Variants in CHCHD3 observed in about 807,000 individuals in gnomAD.
CHCHD3 encodes the protein coiled-coil-helix-coiled-coil-helix domain containing 3.
A neutral mutation model predicts 38.2 loss-of-function variants in CHCHD3; 20 were observed. The observed-to-expected ratio is 0.52, with a 90% confidence interval of 0.37 to 0.76. The LOEUF is 0.76. Among genes scored for constraint, CHCHD3 ranks in the 30% least tolerant of loss-of-function variants. The pLI is 0.00. For synonymous variants in CHCHD3, 82 were observed against 100.0 expected, an observed-to-expected ratio of 0.82 and a Z score of 1.07; for missense variants, 245 against 279.2, an observed-to-expected ratio of 0.88 and a Z score of 0.87.
At chr7:132,972,823 A>C in intron 4 of CHCHD3, 1 of 985,434 alleles carries the variant, frequency 1.0e-6, no homozygotes, top group Non-Finnish European at 1.2e-6. Context: ...TGTCATCTAT[A>C]CCACACAACC....
chr7:133,055,435 T>C (rs1814293119), intron 2 of CHCHD3, among the ~76,000 whole-genome samples: 2 of 145,208 alleles, frequency 1.4e-5, no homozygotes, highest in Non-Finnish European at 3.0e-5. Flanking sequence ...ATTATATTTG[T>C]TATGTATTTA....
At chr7:132,991,559 C>T (rs1812285327) in intron 3 of CHCHD3, among the ~76,000 whole-genome samples, 2 of 152,172 alleles carry the variant, frequency 1.3e-5, no homozygotes, top group South Asian at 4.2e-4. Flanking sequence ...TTACCATACC[C>T]TCCCCCAACT....
intron 3 of CHCHD3, among the ~76,000 whole-genome samples, chr7:132,985,810 C>A (rs1812101987): frequency 9.4e-6 from 1 of 106,140 alleles, no homozygotes; most frequent in Non-Finnish European, 2.0e-5. Context: ...CGGCCAGCCG[C>A]CCCGTCCGGG....
intron 3 of CHCHD3, among the ~76,000 whole-genome samples, chr7:132,994,883 GACA>G (rs1812375671): frequency 6.6e-6 from 1 of 152,084 alleles, no homozygotes; most frequent in Admixed American, 6.5e-5. Flanking sequence ...GAGACCAACA[GACA>G]ACATCAGCAC....
At chr7:132,890,712 A>G (rs1809339529) in intron 4 of CHCHD3, among the ~76,000 whole-genome samples, 1 of 152,190 alleles carries the variant, frequency 6.6e-6, no homozygotes, top group African/African-American at 2.4e-5. Context: ...AAGACTATGA[A>G]GCCAGAGATT....
chr7:132,820,319 T>C (rs1285932751), intron 6 of CHCHD3, among the ~76,000 whole-genome samples: 4 of 152,148 alleles, frequency 2.6e-5, no homozygotes, highest in Non-Finnish European at 5.9e-5. Context: ...TGAGCAAAGG[T>C]TGTAAGTAAG....
rs867581948 is a variant in CHCHD3, at chr7:132,870,872, C to T, written c.453+14790G>A. Among the ~76,000 whole-genome samples, 30 of 152,098 alleles carry T rather than the reference C, an allele frequency of 2.0e-4. 1 individual carries two copies. The highest frequency in any genetic ancestry group is 6.7e-4 in the African/African-American group (28 of 41,490). On this transcript the variant is annotated intron_variant, in intron 5 of 7. Transcript: ENST00000262570. ...TTTTCAAGCCTCTAGGTTTCTGTTT[C>T]ATTGCTTGAAAAAAGTGTAATTTTA...
rs149260390 is a variant in CHCHD3 at position 132,838,854 on chromosome 7, T to C, written c.454-385A>G. On this transcript the variant is annotated intron_variant, in intron 5 of 7. Transcript: ENST00000262570. ...ACATTCGTATTTATATATTATTCCA[T>C]TGGTGTTCCTACTAGGATATTAAAG... Among the ~76,000 whole-genome samples, 117 of 152,298 alleles carry C rather than the reference T, an allele frequency of 7.7e-4. No homozygotes were observed. The Middle Eastern group carries it at 0.027, about 35-fold the overall frequency.
intron 2 of CHCHD3, among the ~76,000 whole-genome samples, chr7:133,048,220 G>A (rs900236697): frequency 5.3e-5 from 8 of 152,136 alleles, no homozygotes; most frequent in East Asian, 1.9e-4. Flanking sequence ...TAAAGTCAGC[G>A]GGGGAGGGAA....
At chr7:132,988,985 G>A (rs1812198559) in intron 3 of CHCHD3, among the ~76,000 whole-genome samples, 1 of 152,042 alleles carries the variant, frequency 6.6e-6, no homozygotes, top group Non-Finnish European at 1.5e-5. Flanking sequence ...TTAATATACA[G>A]TATAACAACT....
At chr7:132,820,035 A>G (rs1287978145) in intron 6 of CHCHD3, among the ~76,000 whole-genome samples, 1 of 152,182 alleles carries the variant, frequency 6.6e-6, no homozygotes, top group East Asian at 1.9e-4. Context: ...TTATTAGATA[A>G]TGTCGATTAT....
At chr7:132,882,672 T>C (rs1007065528) in intron 5 of CHCHD3, among the ~76,000 whole-genome samples, 2 of 152,074 alleles carry the variant, frequency 1.3e-5, no homozygotes, top group Non-Finnish European at 2.9e-5. Context: ...GGTGAGTCTA[T>C]GAGAAATGGG....
intron 6 of CHCHD3, among the ~76,000 whole-genome samples, chr7:132,796,880 T>A (rs769032731): frequency 9.2e-5 from 14 of 152,136 alleles, no homozygotes; most frequent in Non-Finnish European, 1.8e-4. Context: ...TTGGAAGCCC[T>A]AAGTTCTCTC....
chr7:133,070,175 A>G lies in CHCHD3; in HGVS notation c.136T>C (p.Ser46Pro), dbSNP rs1029688422. Residue 46 changes from serine to proline, a missense_variant, in exon 2 of 8, where the codon TCT (serine) becomes CCT (proline). Coordinates refer to ENST00000262570, the MANE Select transcript of CHCHD3 (RefSeq NM_017812.4). ...MKESSPSGSK[S>P]QRYSGAYGAS... ...CCATAAGCACCAGAATACCGCTGAGACTTCGAACCAGATGGAGAGGATTCC... is the reference window on the plus strand; with the variant it reads ...CCATAAGCACCAGAATACCGCTGAGGCTTCGAACCAGATGGAGAGGATTCC... 3 of 1,613,048 alleles carry G rather than the reference A, an allele frequency of 1.9e-6. No homozygotes were observed. Among genetic ancestry groups the G allele is most frequent in the Non-Finnish European group, 2.5e-6 (3 of 1,179,948 alleles).
rs76362582 is a variant in CHCHD3 at position 132,883,244 on chromosome 7, G to A, written c.453+2418C>T. On this transcript the variant is annotated intron_variant, in intron 5 of 7. Coordinates refer to ENST00000262570, the MANE Select transcript of CHCHD3 (RefSeq NM_017812.4). The stretch of plus-strand genomic sequence containing the variant: ...CTCTAAGCCATGTACAATGCTCTAG[G>A]TATAGAAGTAAAACAATTAGTGGGT... 3.8e-3 allele frequency among the ~76,000 whole-genome samples: 586 copies of A among 152,238 alleles called. 28 individuals carry two copies. In the East Asian group the frequency reaches 0.099, roughly 26 times the overall value.
At chr7:132,826,683 G>A (rs944956237) in intron 6 of CHCHD3, among the ~76,000 whole-genome samples, 1 of 152,204 alleles carries the variant, frequency 6.6e-6, no homozygotes, top group African/African-American at 2.4e-5. Flanking sequence ...ATGTAAGGAA[G>A]GGCCAAGACG....
intron 3 of CHCHD3, among the ~76,000 whole-genome samples, chr7:132,987,175 G>A (rs1444584783): frequency 6.6e-6 from 1 of 152,118 alleles, no homozygotes; most frequent in African/African-American, 2.4e-5. Context: ...TAGATTAGGG[G>A]ATCATAAGGA....
chr7:132,995,436 T>C (rs1812388575), intron 3 of CHCHD3, among the ~76,000 whole-genome samples: 1 of 152,238 alleles, frequency 6.6e-6, no homozygotes, highest in Non-Finnish European at 1.5e-5. Context: ...AATACAATAT[T>C]GTTAGCTGTA....
At chr7:132,795,674 T>C (rs185206639) in intron 7 of CHCHD3, among the ~76,000 whole-genome samples, 1 of 152,352 alleles carries the variant, frequency 6.6e-6, no homozygotes, top group East Asian at 1.9e-4. Context: ...GTCAAATCTA[T>C]GGAGTTTGTC....
Sources: allele counts gnomAD v4.1 joint callset (sites outside exome capture counted in the v4.1 genomes callset), GRCh38; gene constraint gnomAD v4.1.1; transcripts MANE v1.5; gene names NCBI Gene and HGNC (gene_info 2026-07-23, HGNC 2026-07-21).